Variants in BCL7C observed in about 807,000 individuals in gnomAD.
BCL7C encodes BAF chromatin remodeling complex subunit BCL7C.
BCL7C carries 8 observed loss-of-function variants against 26.2 expected under a neutral mutation model. That is an observed-to-expected ratio of 0.30 (90% CI 0.18 to 0.55). BCL7C has a LOEUF of 0.55. Ranked by LOEUF, BCL7C falls within the 20% of genes least tolerant of loss-of-function variation. The pLI is 0.93. For missense variants in BCL7C, 262 were observed against 298.5 expected, an observed-to-expected ratio of 0.88 and a Z score of 0.90; for synonymous variants, 90 against 116.5, an observed-to-expected ratio of 0.77 and a Z score of 1.47.
At chr16:30,860,230 G>A (rs558044080) in intron 5 of BCL7C, among the ~76,000 whole-genome samples, 4 of 152,258 alleles carry the variant, frequency 2.6e-5, no homozygotes, top group East Asian at 1.9e-4. Context: ...TAATCATTGC[G>A]GGGACACCTG....
At chr16:30,845,933 C>T (rs1282069711) in intron 5 of BCL7C, among the ~76,000 whole-genome samples, 2 of 151,416 alleles carry the variant, frequency 1.3e-5, no homozygotes, top group South Asian at 2.1e-4. Context: ...GGTGAAACCC[C>T]GTCTCTACTA....
chr16:30,892,658 G>A lies in BCL7C; in HGVS notation c.370C>T (p.Pro124Ser), dbSNP rs750490988. Residue 124 changes from proline to serine, a missense_variant, in exon 4 of 6, where the codon CCT (proline) becomes TCT (serine). By Grantham distance (74) the Pro-to-Ser change is moderately conservative. Transcript: ENST00000215115. ...SPGGTPQPSR[P>S]VSPAGPPEGV... ...TCTGGGGGTCCGGCAGGTGACACAG[G>A]GCGGCTGGGCTGGGGGGTGCCCCCA... The A allele has an allele frequency of 3.1e-6, 5 of 1,613,662 alleles. No individual in the cohort carries two copies. Among genetic ancestry groups the A allele is most frequent in the Non-Finnish European group, 8.5e-7 (1 of 1,179,820 alleles).
chr16:30,849,799 A>G (rs1260349796), intron 5 of BCL7C, among the ~76,000 whole-genome samples: 1 of 149,328 alleles, frequency 6.7e-6, no homozygotes, highest in East Asian at 2.0e-4. Context: ...TCTGTCACTC[A>G]GGCTGGAATG....
rs1157360806 is a variant in BCL7C at position 30,834,855 on chromosome 16, G to A, written c.*93C>T. 10 of 1,270,392 alleles carry A rather than the reference G, an allele frequency of 7.9e-6. No individual in the cohort carries two copies. Among genetic ancestry groups the A allele is most frequent in the Non-Finnish European group, 1.1e-5 (10 of 942,402 alleles). 78.7% of individuals were successfully genotyped at this position (1,270,392 alleles called of 1,614,324 possible). On this transcript the variant is annotated 3_prime_UTR_variant, in exon 6 of 6. Coordinates refer to the BCL7C transcript ENST00000380317. This position sits in a 1 kb window ranked among gnomAD's most constrained non-coding sequence, Gnocchi z 4.3. ...GATGTTACCGCGGTGGGTGAGCTGG[G>A]AAGCTCTTTCCGCCCTCGGGGCACA...
intron 5 of BCL7C, among the ~76,000 whole-genome samples, chr16:30,876,541 CAG>C (rs1245011555): frequency 6.6e-6 from 1 of 152,088 alleles, no homozygotes; most frequent in Non-Finnish European, 1.5e-5. Context: ...CCTAGGAAGA[CAG>C]AGATTATGAG....
At chr16:30,840,955 C>T (rs999909198) in intron 5 of BCL7C, among the ~76,000 whole-genome samples, 2 of 152,134 alleles carry the variant, frequency 1.3e-5, no homozygotes, top group Non-Finnish European at 2.9e-5. Flanking sequence ...CTATAATTCA[C>T]GATGAGATTT....
chr16:30,857,739 G>C (rs543396343), intron 5 of BCL7C, among the ~76,000 whole-genome samples: 1 of 152,104 alleles, frequency 6.6e-6, no homozygotes, highest in Non-Finnish European at 1.5e-5. Context: ...GGGAGGCCAA[G>C]GCGGGTGGAT....
At chr16:30,837,818 A>G (rs1468651172) in intron 5 of BCL7C, among the ~76,000 whole-genome samples, 2 of 152,204 alleles carry the variant, frequency 1.3e-5, no homozygotes, top group Non-Finnish European at 2.9e-5. Context: ...TGTCTGGCTG[A>G]TCAGGTGGCC....
rs373559661 is a variant in BCL7C, at chr16:30,851,536, G to A, written c.529-16388C>T. 9.8e-5 allele frequency: 28 copies of A among 284,718 alleles called. No individual in the cohort carries two copies. The East Asian group carries it at 1.4e-3, about 14-fold the overall frequency. The allele number at this position is 284,718 out of a possible 1,614,324, so 17.6% of individuals were successfully genotyped here. On this transcript the variant is annotated intron_variant, in intron 5 of 5. Coordinates refer to the BCL7C transcript ENST00000380317. Reference sequence around the variant, plus strand: ...ATTACAGGCGTGAGCCACCGCACCCGGCCTCAATATTTGAAGCGCTGGTTA... The same window carrying A: ...ATTACAGGCGTGAGCCACCGCACCCAGCCTCAATATTTGAAGCGCTGGTTA...
chr16:30,869,083 G>A (rs1270395967), intron 5 of BCL7C, among the ~76,000 whole-genome samples: 1 of 151,906 alleles, frequency 6.6e-6, no homozygotes, highest in South Asian at 2.1e-4. Context: ...TTTGTGAGTC[G>A]ACAGTTATGG....
rs529943666 is a variant in BCL7C, at chr16:30,882,431, G to A, written c.528+6429C>T. 8.5e-5 allele frequency among the ~76,000 whole-genome samples: 13 copies of A among 152,270 alleles called. No individual in the cohort carries two copies. In the East Asian group the frequency reaches 1.9e-3, roughly 23 times the overall value. On this transcript the variant is annotated intron_variant, in intron 5 of 5. Coordinates refer to the BCL7C transcript ENST00000380317. The stretch of plus-strand genomic sequence containing the variant: ...TACAAAGCAACAGCCACCACTTCAC[G>A]ACATAGCAGAGGAGGGGTCAGGGGC...
At position 30,868,189 on chromosome 16, in the gene BCL7C, G is replaced by A. The variant is rs375991727; in HGVS notation, c.528+20671C>T. On this transcript the variant is annotated intron_variant, in intron 5 of 5. Transcript: ENST00000380317. ...GTCACCCAGGCTGGAATGCAGTGGTGCGATCTCAGCTCACTGCAACCTCTG... is the reference window on the plus strand; with the variant it reads ...GTCACCCAGGCTGGAATGCAGTGGTACGATCTCAGCTCACTGCAACCTCTG... Among the ~76,000 whole-genome samples, 749 of 145,542 alleles carry A rather than the reference G, an allele frequency of 5.1e-3. 10 individuals are homozygous for A. The highest frequency in any genetic ancestry group is 0.018 in the African/African-American group (712 of 39,446).
At chr16:30,891,358 A>G (rs1596626892) in intron 4 of BCL7C, among the ~76,000 whole-genome samples, 1 of 152,152 alleles carries the variant, frequency 6.6e-6, no homozygotes, top group East Asian at 1.9e-4. Flanking sequence ...GCTACCCAGG[A>G]GGCTGAGGCA....
At chr16:30,854,935 T>A (rs1413266677) in intron 5 of BCL7C, among the ~76,000 whole-genome samples, 1 of 152,166 alleles carries the variant, frequency 6.6e-6, no homozygotes, top group Non-Finnish European at 1.5e-5. Flanking sequence ...TGACCTCAAG[T>A]GATCCGCCTG....
chr16:30,844,041 CAAAAAAAA>C (rs533064710), intron 5 of BCL7C, among the ~76,000 whole-genome samples: 6 of 24,378 alleles, frequency 2.5e-4, no homozygotes, highest in African/African-American at 8.3e-4. Context: ...GACTCTGCCT[CAAAAAAAA>C]AAAAAAAAAA....
At chr16:30,888,809 A>T (rs777819577) in intron 5 of BCL7C, 51 bp downstream of exon 5, 42 of 1,571,118 alleles carry the variant, frequency 2.7e-5, no homozygotes, top group Non-Finnish European at 8.7e-7. Context: ...GACTGCCCAG[A>T]TCCCCCATTC....
intron 5 of BCL7C, among the ~76,000 whole-genome samples, chr16:30,869,065 GC>G (rs2054858682): frequency 6.6e-6 from 1 of 151,300 alleles, no homozygotes; most frequent in African/African-American, 2.4e-5. Flanking sequence ...TTTTTTCATG[GC>G]CATGGCTTTG....
At chr16:30,851,060 T>C (rs1399250998) in intron 5 of BCL7C, among the ~76,000 whole-genome samples, 2 of 152,172 alleles carry the variant, frequency 1.3e-5, no homozygotes, top group African/African-American at 4.8e-5. Flanking sequence ...ATAAGTTTGT[T>C]TATTCCTGTA....
chr16:30,868,311 G>C (rs1009527262), intron 5 of BCL7C, among the ~76,000 whole-genome samples: 1 of 87,162 alleles, frequency 1.1e-5, no homozygotes, highest in South Asian at 3.6e-4. Flanking sequence ...TTTTTTTTTT[G>C]TATTTTTAGT....
Sources: allele counts gnomAD v4.1 joint callset (sites outside exome capture counted in the v4.1 genomes callset), GRCh38; gene constraint gnomAD v4.1.1; non-coding constraint Gnocchi (gnomAD v3.1); transcripts MANE v1.5; gene names NCBI Gene and HGNC (gene_info 2026-07-23, HGNC 2026-07-21).